DGKI: variants seen among roughly 807,000 people sequenced by gnomAD.
DGKI encodes DAG kinase iota.
Under a neutral mutation model 147.5 loss-of-function variants are expected in DGKI, and 55 were observed. That is an observed-to-expected ratio of 0.37 (90% CI 0.30 to 0.47). The LOEUF is 0.47. Ranked by LOEUF, DGKI falls within the 20% of genes least tolerant of loss-of-function variation. The pLI is 1.00. For synonymous variants in DGKI, 469 were observed against 477.1 expected, an observed-to-expected ratio of 0.98 and a Z score of 0.22; for missense variants, 1,007 against 1,323.8, an observed-to-expected ratio of 0.76 and a Z score of 3.71.
intron 1 of DGKI, among the ~76,000 whole-genome samples, chr7:137,744,397 A>C (rs1258763658): frequency 6.6e-6 from 1 of 152,190 alleles, no homozygotes; most frequent in African/African-American, 2.4e-5. Flanking sequence ...AGTAATTAAA[A>C]AAATATAGAC....
At chr7:137,546,883 C>T (rs934850170) in intron 20 of DGKI, among the ~76,000 whole-genome samples, 7 of 152,186 alleles carry the variant, frequency 4.6e-5, no homozygotes, top group African/African-American at 9.7e-5. Context: ...CAAGTACTAT[C>T]GTTTCCAAAC....
chr7:137,609,085 T>A, intron 9 of DGKI, 21 bp from the exon 10 acceptor site: 1 of 1,591,860 alleles, frequency 6.3e-7, no homozygotes, highest in Non-Finnish European at 8.6e-7. Context: ...CAATCAGCAC[T>A]GTTAGGATAC....
At chr7:137,467,079 T>C in intron 24 of DGKI, 137 bp from the exon 25 acceptor site, 1 of 787,356 alleles carries the variant, frequency 1.3e-6, no homozygotes, top group South Asian at 1.6e-5. Context: ...CCTAAATCTA[T>C]TAAGAAAACC....
chr7:137,758,680 C>T (rs1039266948), intron 1 of DGKI, among the ~76,000 whole-genome samples: 5 of 151,516 alleles, frequency 3.3e-5, no homozygotes, highest in Admixed American at 2.0e-4. Context: ...AGCAAGACTC[C>T]GTCTCAAAAA....
At chr7:137,452,997 C>G (rs1814034239) in intron 27 of DGKI, 1 of 152,240 alleles carries the variant, frequency 6.6e-6, no homozygotes, top group African/African-American at 2.4e-5. Flanking sequence ...CCTACGTAGT[C>G]CCGAATGAAA....
chr7:137,688,858 T>G (rs932916866), intron 2 of DGKI, among the ~76,000 whole-genome samples: 1 of 152,172 alleles, frequency 6.6e-6, no homozygotes, highest in African/African-American at 2.4e-5. Flanking sequence ...TCAGGCAGCA[T>G]CTGAACACTC....
intron 1 of DGKI, among the ~76,000 whole-genome samples, chr7:137,791,278 G>A (rs1398761474): frequency 1.3e-5 from 2 of 151,896 alleles, no homozygotes; most frequent in Non-Finnish European, 2.9e-5. Flanking sequence ...TTATTTAATG[G>A]GTTTGCATTC....
intron 1 of DGKI, among the ~76,000 whole-genome samples, chr7:137,798,884 C>T (rs1393912654): frequency 6.6e-6 from 1 of 152,110 alleles, no homozygotes; most frequent in Admixed American, 6.6e-5. Context: ...TATTAATAGA[C>T]TAAGTGACCA....
At chr7:137,429,278 A>G (rs952193139) in intron 28 of DGKI, among the ~76,000 whole-genome samples, 2 of 151,488 alleles carry the variant, frequency 1.3e-5, no homozygotes, top group African/African-American at 4.8e-5. Context: ...TCTTTGACAA[A>G]CCTGAGAAAA....
intron 10 of DGKI, among the ~76,000 whole-genome samples, chr7:137,602,808 T>C (rs1221046175): frequency 6.6e-6 from 1 of 151,664 alleles, no homozygotes; most frequent in African/African-American, 2.4e-5. Context: ...TACTAACAAC[T>C]CTCCAGCACT....
At chr7:137,702,276 C>T (rs1824010138) in intron 1 of DGKI, among the ~76,000 whole-genome samples, 1 of 151,870 alleles carries the variant, frequency 6.6e-6, no homozygotes, top group African/African-American at 2.4e-5. Flanking sequence ...AACTTCTAAC[C>T]ATAAAAGAAG....
intron 1 of DGKI, among the ~76,000 whole-genome samples, chr7:137,740,339 G>T (rs180977638): frequency 8.6e-4 from 131 of 152,312 alleles, no homozygotes; most frequent in African/African-American, 3.1e-3. Flanking sequence ...CCTGACATGA[G>T]TTCAGATGTT....
chr7:137,461,248 C>T (rs1460353521), intron 27 of DGKI, among the ~76,000 whole-genome samples: 4 of 152,158 alleles, frequency 2.6e-5, no homozygotes, highest in South Asian at 4.1e-4. Context: ...ACTACACTTG[C>T]CATTTGAAGT....
At chr7:137,782,597 G>A (rs1199761704) in intron 1 of DGKI, among the ~76,000 whole-genome samples, 5 of 152,134 alleles carry the variant, frequency 3.3e-5, no homozygotes. Flanking sequence ...ATACTAACCA[G>A]GTATCCCTGG....
chr7:137,771,738 C>T (rs1417182001), intron 1 of DGKI: 3 of 152,198 alleles, frequency 2.0e-5, no homozygotes, highest in Non-Finnish European at 2.9e-5. Flanking sequence ...AACAATCTGA[C>T]AGATTCATTC....
At chr7:137,777,418 G>A (rs1017622074) in intron 1 of DGKI, among the ~76,000 whole-genome samples, 2 of 152,114 alleles carry the variant, frequency 1.3e-5, no homozygotes, top group Non-Finnish European at 2.9e-5. Context: ...AACAAAGAAA[G>A]GTTGACATGT....
chr7:137,554,724 T>TA (rs1342532998), intron 19 of DGKI, among the ~76,000 whole-genome samples: 1 of 151,792 alleles, frequency 6.6e-6, no homozygotes, highest in East Asian at 2.0e-4. Flanking sequence ...GAGCAAACCT[T>TA]ACTCTCCTTT....
chr7:137,674,003 C>T (rs1256442651), intron 3 of DGKI, among the ~76,000 whole-genome samples: 2 of 152,170 alleles, frequency 1.3e-5, no homozygotes, highest in African/African-American at 4.8e-5. Flanking sequence ...TAAATGTCAC[C>T]AAACGACAGT....
rs556175784 is a variant in DGKI, at chr7:137,453,876, A to T, written c.2735+9613T>A. 1.5e-4 allele frequency among the ~76,000 whole-genome samples: 23 copies of T among 151,990 alleles called. No individual in the cohort carries two copies. The East Asian group carries it at 4.1e-3, about 27-fold the overall frequency. ...CCCAGTCTTTAAGACTCACCTACCC[A>T]AATATATGCCTTGATGACCCCCATG... On this transcript the variant is annotated intron_variant, in intron 27 of 32. Transcript: ENST00000614521.
Sources: gnomAD v4.1 joint callset for allele counts (sites outside exome capture counted in the v4.1 genomes callset) on GRCh38, gnomAD v4.1.1 for gene constraint, MANE v1.5 for transcripts, NCBI Gene and HGNC (gene_info 2026-07-23, HGNC 2026-07-21) for gene names.